CTSB: variants seen among roughly 807,000 people sequenced by gnomAD.
The protein encoded by CTSB is APP secretase.
In CTSB, 57 loss-of-function variants were observed where a neutral mutation model predicts 44.3. The ratio of observed to expected loss-of-function variants is 1.29; its 90% CI spans 1.04 to 1.60. The LOEUF (loss-of-function observed/expected upper bound fraction) is 1.60. CTSB is among the 40% of genes most tolerant of loss of function. The pLI is 0.00. For missense variants in CTSB, 768 were observed against 443.0 expected, an observed-to-expected ratio of 1.73 and a Z score of -6.59; for synonymous variants, 320 against 168.0, an observed-to-expected ratio of 1.91 and a Z score of -7.00.
intron 7 of CTSB, among the ~76,000 whole-genome samples, chr8:11,847,386 G>A (rs888456844): frequency 1.3e-5 from 2 of 152,164 alleles, no homozygotes; most frequent in Non-Finnish European, 2.9e-5. Context: ...ATGAGCACGA[G>A]GCCCCGGAAG....
intron 7 of CTSB, among the ~76,000 whole-genome samples, 172 bp downstream of exon 7, chr8:11,847,507 A>T (rs1813622824): frequency 6.6e-6 from 1 of 152,132 alleles, no homozygotes; most frequent in Non-Finnish European, 1.5e-5. Context: ...AACAGGCAGA[A>T]AGTGGAGAGT....
intron 1 of CTSB, among the ~76,000 whole-genome samples, chr8:11,865,257 G>T (rs1816955177): frequency 1.3e-5 from 2 of 152,136 alleles, no homozygotes; most frequent in Admixed American, 1.3e-4. Flanking sequence ...TTGAAAAGAG[G>T]CAGCAGACTG....
At chr8:11,847,942 C>T in intron 6 of CTSB, 120 bp from the exon 7 acceptor site, 1 of 1,345,816 alleles carries the variant, frequency 7.4e-7, no homozygotes, top group Non-Finnish European at 1.0e-6. Context: ...GGCCTGTGCA[C>T]CTGGCTAGCA....
Position 11,844,879 on chromosome 8 carries a change from A to G in CTSB, c.*246T>C. 2.0e-6 allele frequency: 1 copy of G among 509,164 alleles called. No homozygotes were observed. Among genetic ancestry groups the G allele is most frequent in the East Asian group, 3.2e-5 (1 of 31,582 alleles). 31.5% of individuals were successfully genotyped at this position (509,164 alleles called of 1,614,324 possible). A position where few individuals can be genotyped will look rare whatever the true frequency, so the allele number is the denominator to read the frequency against. ...TCAGCTGGGGCAGCAGGTACTCCCTACGGCACTAGTCTACAGGGGGAAGGA... is the reference window on the plus strand; with the variant it reads ...TCAGCTGGGGCAGCAGGTACTCCCTGCGGCACTAGTCTACAGGGGGAAGGA... On this transcript the variant is annotated 3_prime_UTR_variant, in exon 10 of 10. Coordinates refer to ENST00000353047, the MANE Select transcript of CTSB (RefSeq NM_001908.5).
Position 11,849,120 on chromosome 8 carries a change from G to A in CTSB, c.372C>T (p.His124=). The change falls in exon 5 of 10, where the codon CAC becomes CAT. Residue 124 remains histidine (H), a synonymous_variant. Transcript: ENST00000353047. The part of the protein sequence containing the change: ...VEAISDRICI[H]TNAHVSVEVS... The stretch of plus-strand genomic sequence containing the variant: ...CCTCCACGCTGACGTGCGCATTGGT[G>A]TGGATGCAGATCCGGTCAGAGATGG... 5 of 1,613,548 alleles carry A rather than the reference G, an allele frequency of 3.1e-6. No individual in the cohort carries two copies. The South Asian group carries it at 4.4e-5, about 14-fold the overall frequency.
chr8:11,859,016 G>A (rs751744801), intron 1 of CTSB, among the ~76,000 whole-genome samples: 13 of 152,132 alleles, frequency 8.5e-5, no homozygotes, highest in Non-Finnish European at 1.6e-4. Flanking sequence ...CAGGATGCGG[G>A]CTGGTGGAAG....
chr8:11,844,952 C>G lies in CTSB; in HGVS notation c.*173G>C, dbSNP rs1586067896. 2 of 609,378 alleles carry G rather than the reference C, an allele frequency of 3.3e-6. No homozygotes were observed. Among genetic ancestry groups the G allele is most frequent in the African/African-American group, 3.7e-5 (2 of 54,210 alleles). The allele number at this position is 609,378 out of a possible 1,614,324, so 37.7% of individuals were successfully genotyped here. A position where few individuals can be genotyped will look rare whatever the true frequency, so the allele number is the denominator to read the frequency against. On this transcript the variant is annotated 3_prime_UTR_variant, in exon 10 of 10. Transcript: ENST00000353047. ...CTCACATGGCCTGTCTGCACTGTAA[C>G]CACAGGCTGGGATGTAGCCAGGACT...
intron 5 of CTSB, 85 bp from the exon 6 acceptor site, chr8:11,848,237 C>A: frequency 7.9e-7 from 1 of 1,258,980 alleles, no homozygotes; most frequent in Non-Finnish European, 1.2e-6. Flanking sequence ...GTGCCCGAGG[C>A]CACTCGTGGA....
At chr8:11,852,562 C>T (rs752215481) in intron 3 of CTSB, 48 bp downstream of exon 3, 7 of 1,522,382 alleles carry the variant, frequency 4.6e-6, no homozygotes, top group Non-Finnish European at 6.3e-6. Flanking sequence ...TGCCCCAAAC[C>T]AACGCCTGCC....
At position 11,844,040 on chromosome 8, in the gene CTSB, A is replaced by C. The variant is rs1312531634; in HGVS notation, c.*1085T>G. 2.0e-5 allele frequency: 3 copies of C among 152,242 alleles called. No homozygotes were observed. In the East Asian group the frequency reaches 5.8e-4, roughly 29 times the overall value. The allele number at this position is 152,242 out of a possible 1,614,324, so 9.4% of individuals were successfully genotyped here. ...GGAATCTCACTCTGTCAGTCACAAC[A>C]ACAACAAAAAAATAGAGCACAGCTA... On this transcript the variant is annotated 3_prime_UTR_variant, in exon 10 of 10. Coordinates refer to ENST00000353047, the MANE Select transcript of CTSB (RefSeq NM_001908.5).
rs1812987272 is a variant in CTSB at position 11,844,972 on chromosome 8, A to AG, written c.*152dup. The AG allele has an allele frequency of 1.6e-6, 1 of 625,312 alleles. No homozygotes were observed. The highest frequency in any genetic ancestry group is 2.9e-6 in the Non-Finnish European group (1 of 349,590). 38.7% of individuals were successfully genotyped at this position (625,312 alleles called of 1,614,324 possible). A position where few individuals can be genotyped will look rare whatever the true frequency, so the allele number is the denominator to read the frequency against. On this transcript the variant is annotated 3_prime_UTR_variant, in exon 10 of 10. Transcript: ENST00000353047. Reference sequence around the variant, plus strand: ...TGTAACCACAGGCTGGGATGTAGCCAGGACTTGGTCTCCTTGGAAGACAGG... The same window carrying AG: ...TGTAACCACAGGCTGGGATGTAGCCAGGGACTTGGTCTCCTTGGAAGACAGG...
At chr8:11,852,283 A>C (rs1016479936) in intron 3 of CTSB, among the ~76,000 whole-genome samples, 2 of 152,106 alleles carry the variant, frequency 1.3e-5, no homozygotes, top group Non-Finnish European at 2.9e-5. Context: ...TGGCATGAGA[A>C]TCGCTTGAAC....
chr8:11,862,980 G>A (rs537185695), intron 1 of CTSB, among the ~76,000 whole-genome samples: 1 of 152,266 alleles, frequency 6.6e-6, no homozygotes, highest in African/African-American at 2.4e-5. Flanking sequence ...AGTCAAGACT[G>A]CCAGCCACAC....
Position 11,851,088 on chromosome 8 carries a change from AC to A in CTSB, c.213-109del, listed in dbSNP as rs371037885. The stretch of plus-strand genomic sequence containing the variant: ...ACACTCCCCTAACAAGGAAATGAGC[AC>A]AAGACATGCCGAAGAAGGCTGCAGA... On this transcript the variant is annotated intron_variant, in intron 3 of 9. Transcript: ENST00000353047. 3.5e-4 allele frequency: 224 copies of A among 644,076 alleles called. No homozygotes were observed. The African/African-American group carries it at 3.8e-3, about 11-fold the overall frequency. 39.9% of individuals were successfully genotyped at this position (644,076 alleles called of 1,614,324 possible).
rs564494370 is a variant in CTSB, at chr8:11,852,315, G to A, written c.212+295C>T. Reference sequence around the variant, plus strand: ...GAACCCGGGAGACAGAGTTTGCAGTGAGCCAAGATCGTGCCACTGCACTCC... The same window carrying A: ...GAACCCGGGAGACAGAGTTTGCAGTAAGCCAAGATCGTGCCACTGCACTCC... On this transcript the variant is annotated intron_variant, in intron 3 of 9. Transcript: ENST00000353047. Among the ~76,000 whole-genome samples, 4 of 152,262 alleles carry A rather than the reference G, an allele frequency of 2.6e-5. No individual in the cohort carries two copies. The South Asian group carries it at 8.3e-4, about 32-fold the overall frequency.
rs745396923 is a variant in CTSB at position 11,847,017 on chromosome 8, C to G, written c.793+35G>C. 5 of 1,148,838 alleles carry G rather than the reference C, an allele frequency of 4.4e-6. 1 individual carries two copies. The African/African-American group carries it at 4.6e-5, about 11-fold the overall frequency. The allele number at this position is 1,148,838 out of a possible 1,614,324, so 71.2% of individuals were successfully genotyped here. A position where few individuals can be genotyped will look rare whatever the true frequency, so the allele number is the denominator to read the frequency against. On this transcript the variant is annotated intron_variant, in intron 8 of 9. Transcript: ENST00000353047. ...TGGCACCCAGGCTCCCCTCCCGACC[C>G]CCACCCTCTATTGCCATCAGCCATC...
chr8:11,866,639 C>T (rs1040429733), intron 1 of CTSB, among the ~76,000 whole-genome samples: 1 of 152,228 alleles, frequency 6.6e-6, no homozygotes, highest in East Asian at 1.9e-4. Flanking sequence ...ACAGGCGGAT[C>T]ACCTGAGGTC....
intron 4 of CTSB, among the ~76,000 whole-genome samples, chr8:11,850,433 AAAAAAAAAGAAAGAAAAAG>A (rs889756721): frequency 2.0e-5 from 3 of 148,376 alleles, no homozygotes; most frequent in African/African-American, 7.4e-5. Context: ...AAAAAAAAAA[AAAAAAAAAGAAAGAAAAAG>A]AAAACAAAAG....
At position 11,850,381 on chromosome 8, in the gene CTSB, T is replaced by G. The variant is rs1814329276; in HGVS notation, c.327+485A>C. On this transcript the variant is annotated intron_variant, in intron 4 of 9. Transcript: ENST00000353047. ...TTGCAGTGAGCCAATATCCCACCACTGCACTCCAGCCTGGGTGACAGAGCA... is the reference window on the plus strand; with the variant it reads ...TTGCAGTGAGCCAATATCCCACCACGGCACTCCAGCCTGGGTGACAGAGCA... Among the ~76,000 whole-genome samples the G allele has an allele frequency of 2.5e-5, 3 of 122,394 alleles. No individual in the cohort carries two copies. In the Admixed American group the frequency reaches 3.4e-4, roughly 14 times the overall value. 80.3% of individuals were successfully genotyped at this position (122,394 alleles called of 152,430 possible).
Sources: gnomAD v4.1 joint callset for allele counts (sites outside exome capture counted in the v4.1 genomes callset) on GRCh38, gnomAD v4.1.1 for gene constraint, MANE v1.5 for transcripts, NCBI Gene and HGNC (gene_info 2026-07-23, HGNC 2026-07-21) for gene names.